IKZF3: variants seen among roughly 807,000 people sequenced by gnomAD.
The protein encoded by IKZF3 is IKAROS family zinc finger 3.
IKZF3 carries 10 observed loss-of-function variants against 49.0 expected under a neutral mutation model. The ratio of observed to expected loss-of-function variants is 0.20; its 90% CI spans 0.13 to 0.35. The LOEUF is 0.35. Ranked by LOEUF, IKZF3 falls within the 10% of genes least tolerant of loss-of-function variation. The probability of loss-of-function intolerance (pLI) is 1.00; values close to 1 mark genes in which losing one functional copy is unlikely to be tolerated. For synonymous variants in IKZF3, 209 were observed against 228.2 expected, an observed-to-expected ratio of 0.92 and a Z score of 0.76; for missense variants, 498 against 664.8, an observed-to-expected ratio of 0.75 and a Z score of 2.76.
intron 3 of IKZF3, among the ~76,000 whole-genome samples, chr17:39,799,051 A>T (rs1225318299): frequency 6.6e-6 from 1 of 151,734 alleles, no homozygotes; most frequent in Non-Finnish European, 1.5e-5. Flanking sequence ...ACACTGCTTA[A>T]CCTGTATCTG....
At chr17:39,815,276 C>T (rs1179572694) in intron 3 of IKZF3, among the ~76,000 whole-genome samples, 2 of 152,186 alleles carry the variant, frequency 1.3e-5, no homozygotes, top group Non-Finnish European at 2.9e-5. Flanking sequence ...CTATTTCAGT[C>T]GTTCAGGCCT....
chr17:39,792,542 G>T, intron 4 of IKZF3, 131 bp downstream of exon 4: 1 of 862,066 alleles, frequency 1.2e-6, no homozygotes, highest in Non-Finnish European at 1.8e-6. Context: ...CAGCAATGCA[G>T]AGAGAGAGAT....
chr17:39,839,953 G>A (rs1419935399), intron 1 of IKZF3, among the ~76,000 whole-genome samples: 3 of 152,162 alleles, frequency 2.0e-5, no homozygotes, highest in Non-Finnish European at 4.4e-5. Flanking sequence ...GAGCCACAAT[G>A]CCTGACCAGA....
At chr17:39,843,801 C>T (rs1319038998) in intron 1 of IKZF3, among the ~76,000 whole-genome samples, 2 of 147,708 alleles carry the variant, frequency 1.4e-5, no homozygotes, top group South Asian at 2.1e-4. Flanking sequence ...AGTGAGACTC[C>T]GTCTTTTAAA....
chr17:39,809,450 A>C (rs530284636), intron 3 of IKZF3, among the ~76,000 whole-genome samples: 2 of 152,376 alleles, frequency 1.3e-5, no homozygotes, highest in African/African-American at 4.8e-5. Context: ...CTGGATTACC[A>C]GGGTGCTCCT....
At chr17:39,850,269 T>A (rs1291141669) in intron 1 of IKZF3, among the ~76,000 whole-genome samples, 1 of 141,382 alleles carries the variant, frequency 7.1e-6, no homozygotes, top group Non-Finnish European at 1.5e-5. Flanking sequence ...ATATTATGTA[T>A]GTATATATAA....
intron 1 of IKZF3, among the ~76,000 whole-genome samples, chr17:39,833,880 G>T (rs955344426): frequency 6.6e-6 from 1 of 152,012 alleles, no homozygotes; most frequent in Non-Finnish European, 1.5e-5. Flanking sequence ...TATAATTAAT[G>T]AATATATATT....
intron 3 of IKZF3, among the ~76,000 whole-genome samples, chr17:39,793,605 G>T (rs1176840559): frequency 6.6e-6 from 1 of 152,176 alleles, no homozygotes; most frequent in Non-Finnish European, 1.5e-5. Flanking sequence ...ATAACCTAAG[G>T]AGTCACTTTC....
chr17:39,781,585 A>G (rs1187087379), intron 6 of IKZF3, among the ~76,000 whole-genome samples: 1 of 152,204 alleles, frequency 6.6e-6, no homozygotes, highest in Non-Finnish European at 1.5e-5. Flanking sequence ...GGTGCTACCC[A>G]TCTAGTTTTC....
chr17:39,789,369 C>A (rs972601568), intron 5 of IKZF3, among the ~76,000 whole-genome samples: 2 of 152,166 alleles, frequency 1.3e-5, no homozygotes, highest in Non-Finnish European at 2.9e-5. Flanking sequence ...TCGAGACCAG[C>A]CTGGCCAATG....
intron 3 of IKZF3, among the ~76,000 whole-genome samples, chr17:39,797,643 G>A (rs1363685246): frequency 6.6e-6 from 1 of 151,878 alleles, no homozygotes; most frequent in Non-Finnish European, 1.5e-5. Context: ...GGCTGGTCTC[G>A]AACTCCTGAC....
intron 1 of IKZF3, chr17:39,836,228 G>A (rs2062276914): frequency 3.2e-6 from 2 of 617,244 alleles, no homozygotes; most frequent in Non-Finnish European, 6.0e-6. Context: ...ATAACCACCA[G>A]CTCGGCCATA....
chr17:39,793,415 T>C (rs770961655), intron 3 of IKZF3, among the ~76,000 whole-genome samples: 3 of 152,202 alleles, frequency 2.0e-5, no homozygotes, highest in Non-Finnish European at 4.4e-5. Context: ...CTAGTTAACA[T>C]AGTTTTTCTA....
At chr17:39,766,870 T>C (rs997347823) in intron 7 of IKZF3, among the ~76,000 whole-genome samples, 7 of 152,182 alleles carry the variant, frequency 4.6e-5, no homozygotes, top group South Asian at 2.1e-4. Flanking sequence ...ACTTCTGCTA[T>C]AGTTCATGAT....
intron 1 of IKZF3, chr17:39,836,069 C>T (rs2062270558): frequency 4.6e-6 from 3 of 655,700 alleles, no homozygotes; most frequent in African/African-American, 1.8e-5. Context: ...TGTTCTGCTG[C>T]TTCAGGAACC....
In IKZF3 at chr17:39,766,182, T is replaced by G; in HGVS notation, c.1138A>C (p.Asn380His). The G allele has an allele frequency of 6.2e-7, 1 of 1,614,130 alleles. No homozygotes were observed. Among genetic ancestry groups the G allele is most frequent in the Middle Eastern group, 1.6e-4 (1 of 6,062 alleles). ...SVPSERGLSP[N>H]NSGHDSTDTD... ...TCCGTGGAGTCGTGGCCACTATTGT[T>G]GGGAGAGAGGCCTCTCTCAGAAGGC... The change falls in exon 8 of 8, where the codon AAC (asparagine) becomes CAC (histidine). Residue 380 changes from asparagine to histidine, a missense_variant. Asn to His is a moderately conservative substitution (Grantham distance 68). Coordinates refer to ENST00000346872, the MANE Select transcript of IKZF3 (RefSeq NM_012481.5).
chr17:39,843,458 G>A (rs993954563), intron 1 of IKZF3, among the ~76,000 whole-genome samples: 5 of 151,430 alleles, frequency 3.3e-5, no homozygotes, highest in Non-Finnish European at 5.9e-5. Flanking sequence ...AAGAAAGAAC[G>A]AAAACTAGCT....
intron 3 of IKZF3, among the ~76,000 whole-genome samples, chr17:39,813,371 A>G (rs2061606049): frequency 6.6e-6 from 1 of 151,730 alleles, no homozygotes; most frequent in South Asian, 2.1e-4. Context: ...AGGGCCAGGC[A>G]CAGTGGCTCA....
chr17:39,823,339 G>A (rs752651155), intron 3 of IKZF3, among the ~76,000 whole-genome samples: 1 of 152,162 alleles, frequency 6.6e-6, no homozygotes, highest in Non-Finnish European at 1.5e-5. Context: ...GTATCTGGTG[G>A]AAGAAATTTC....
Sources: allele counts gnomAD v4.1 joint callset (sites outside exome capture counted in the v4.1 genomes callset), GRCh38; gene constraint gnomAD v4.1.1; transcripts MANE v1.5; gene names NCBI Gene and HGNC (gene_info 2026-07-23, HGNC 2026-07-21).